Variants in ATP9B observed in about 807,000 individuals in gnomAD.
ATP9B encodes ATPase phospholipid transporting 9B, also known as probable phospholipid-transporting ATPase IIB.
ATP9B carries 110 observed loss-of-function variants against 146.1 expected under a neutral mutation model. That is an observed-to-expected ratio of 0.75 (90% CI 0.65 to 0.88). The LOEUF is 0.88. Among genes scored for constraint, ATP9B ranks in the 40% least tolerant of loss-of-function variants. The probability of loss-of-function intolerance (pLI) is 0.00; values close to 1 mark genes in which losing one functional copy is unlikely to be tolerated. For missense variants in ATP9B, 1,499 were observed against 1,496.4 expected, an observed-to-expected ratio of 1.00 and a Z score of -0.03; for synonymous variants, 604 against 569.7, an observed-to-expected ratio of 1.06 and a Z score of -0.86.
chr18:79,082,548 G>T (rs495404), intron 1 of ATP9B, among the ~76,000 whole-genome samples: 1 of 152,166 alleles, frequency 6.6e-6, no homozygotes. Flanking sequence ...GGATTTATCT[G>T]CCTTTGGTCT....
At chr18:79,196,588 T>C (rs2095420020) in intron 9 of ATP9B, among the ~76,000 whole-genome samples, 1 of 152,224 alleles carries the variant, frequency 6.6e-6, no homozygotes, top group Admixed American at 6.5e-5. Flanking sequence ...GAAGGCAGGC[T>C]ACTGGGACAG....
At chr18:79,259,880 C>T in intron 12 of ATP9B, among the ~76,000 whole-genome samples, 1 of 152,198 alleles carries the variant, frequency 6.6e-6, no homozygotes. Flanking sequence ...TTTAGTAAGA[C>T]CTCATTTTCC....
chr18:79,358,881 G>C (rs2096969583), intron 25 of ATP9B, among the ~76,000 whole-genome samples: 1 of 144,218 alleles, frequency 6.9e-6, no homozygotes, highest in South Asian at 2.4e-4. Flanking sequence ...GGAGGTGTCT[G>C]TGTGAGGGAC....
At chr18:79,125,705 TCTAG>T (rs1568229440) in intron 4 of ATP9B, among the ~76,000 whole-genome samples, 1 of 152,194 alleles carries the variant, frequency 6.6e-6, no homozygotes, top group Non-Finnish European at 1.5e-5. Context: ...AAAATTTTTT[TCTAG>T]CTAGCATCAT....
intron 14 of ATP9B, among the ~76,000 whole-genome samples, chr18:79,306,483 A>G (rs1172911446): frequency 6.6e-6 from 1 of 152,204 alleles, no homozygotes; most frequent in Non-Finnish European, 1.5e-5. Context: ...GTTATTATCC[A>G]CAAAACTAGA....
chr18:79,251,651 T>A (rs1405340723), intron 11 of ATP9B, among the ~76,000 whole-genome samples: 2 of 152,248 alleles, frequency 1.3e-5, no homozygotes, highest in African/African-American at 4.8e-5. Flanking sequence ...GTTCTGATGA[T>A]CTCATGAGAG....
chr18:79,277,376 ATCT>A (rs1481648408), intron 13 of ATP9B, 180 bp downstream of exon 13: 7 of 626,248 alleles, frequency 1.1e-5, no homozygotes, highest in African/African-American at 1.1e-4. Context: ...CAGCTTAATC[ATCT>A]TCTAGTATAC....
intron 16 of ATP9B, 105 bp from the exon 17 acceptor site, chr18:79,329,904 ACAT>A: frequency 3.1e-6 from 3 of 974,392 alleles, no homozygotes; most frequent in Non-Finnish European, 4.8e-6. Flanking sequence ...ACACAGGAAC[ACAT>A]TCATAGGAAT....
At chr18:79,285,738 T>G (rs2096431942) in intron 13 of ATP9B, among the ~76,000 whole-genome samples, 1 of 152,254 alleles carries the variant, frequency 6.6e-6, no homozygotes, top group Admixed American at 6.5e-5. Flanking sequence ...TTCTAGAGTT[T>G]TTATGGTTTT....
rs566166457 is a variant in ATP9B at position 79,234,214 on chromosome 18, G to A, written c.1108-19167G>A. Among the ~76,000 whole-genome samples, 7 of 152,290 alleles carry A rather than the reference G, an allele frequency of 4.6e-5. No individual in the cohort carries two copies. The South Asian group carries it at 1.5e-3, about 32-fold the overall frequency. On this transcript the variant is annotated intron_variant, in intron 11 of 29. Transcript: ENST00000426216. ...GGCAGTTTATTTAGACGAGGCTAGA[G>A]GCCTTCAGAATCCAGAAATAAATGG... is the stretch of plus-strand genomic sequence containing the variant.
At chr18:79,344,197 C>G in intron 20 of ATP9B, 68 bp from the exon 21 acceptor site, 1 of 1,366,450 alleles carries the variant, frequency 7.3e-7, no homozygotes, top group East Asian at 2.4e-5. Context: ...GCAAATAATG[C>G]CCTGTTTCTC....
chr18:79,201,474 T>C (rs889219786), intron 9 of ATP9B, among the ~76,000 whole-genome samples: 1 of 152,206 alleles, frequency 6.6e-6, no homozygotes, highest in Non-Finnish European at 1.5e-5. Flanking sequence ...TGGCTGGGCA[T>C]GGTGGCTCAT....
At chr18:79,087,601 C>G (rs559204250) in intron 1 of ATP9B, 2 of 152,118 alleles carry the variant, frequency 1.3e-5, no homozygotes, top group East Asian at 3.9e-4. Context: ...TCTATTTCTT[C>G]GTTTAATATC....
chr18:79,373,793 C>T lies in ATP9B; in HGVS notation c.3071-105C>T, dbSNP rs1471925610. The T allele has an allele frequency of 1.0e-5, 12 of 1,191,980 alleles. No individual in the cohort carries two copies. In the African/African-American group the frequency reaches 1.7e-4, roughly 16 times the overall value. The allele number at this position is 1,191,980 out of a possible 1,614,324, so 73.8% of individuals were successfully genotyped here. On this transcript the variant is annotated intron_variant, in intron 27 of 29. Transcript: ENST00000426216. Reference sequence around the variant, plus strand: ...CATGAGCTGCTGCGCCTGGCCTATCCCCTATTTTTAAGGGTCTTGAGTGAC... The same window carrying T: ...CATGAGCTGCTGCGCCTGGCCTATCTCCTATTTTTAAGGGTCTTGAGTGAC...
chr18:79,242,482 A>G (rs1459431446), intron 11 of ATP9B, among the ~76,000 whole-genome samples: 1 of 152,252 alleles, frequency 6.6e-6, no homozygotes, highest in Non-Finnish European at 1.5e-5. Context: ...GACATGCATC[A>G]TTAAACCTTA....
intron 16 of ATP9B, 55 bp downstream of exon 16, chr18:79,329,357 C>G (rs1014271399): frequency 2.5e-5 from 36 of 1,450,052 alleles, no homozygotes; most frequent in Non-Finnish European, 3.1e-5. Flanking sequence ...GTTTTCACAC[C>G]TTTTAAACAC....
intron 11 of ATP9B, among the ~76,000 whole-genome samples, chr18:79,219,678 C>A (rs1162353455): frequency 3.3e-5 from 5 of 152,120 alleles, no homozygotes; most frequent in Non-Finnish European, 7.3e-5. Context: ...TCTTTCTCCT[C>A]CCTCTCCTTC....
chr18:79,171,114 CAG>C (rs1165499061), intron 7 of ATP9B, among the ~76,000 whole-genome samples: 3 of 152,100 alleles, frequency 2.0e-5, no homozygotes, highest in African/African-American at 7.2e-5. Flanking sequence ...TACTTAAAAA[CAG>C]AATTAAAATT....
intron 15 of ATP9B, among the ~76,000 whole-genome samples, chr18:79,318,836 A>G (rs570042479): frequency 1.3e-5 from 2 of 152,326 alleles, no homozygotes; most frequent in African/African-American, 4.8e-5. Context: ...AATTGTATGG[A>G]AGACACAGGG....
Sources: gnomAD v4.1 joint callset for allele counts (sites outside exome capture counted in the v4.1 genomes callset) on GRCh38, gnomAD v4.1.1 for gene constraint, MANE v1.5 for transcripts, NCBI Gene and HGNC (gene_info 2026-07-23, HGNC 2026-07-21) for gene names.